The following ZDHHC4 variants were observed in gnomAD, a reference collection of about 807,000 sequenced individuals.
ZDHHC4 encodes the protein palmitoyltransferase ZDHHC4.
Under a neutral mutation model 36.7 loss-of-function variants are expected in ZDHHC4, and 42 were observed. That is an observed-to-expected ratio of 1.14 (90% CI 0.89 to 1.48). ZDHHC4 has a LOEUF of 1.48. ZDHHC4 is among the 40% of genes most tolerant of loss of function. The pLI is 0.00. For synonymous variants in ZDHHC4, 189 were observed against 166.6 expected, an observed-to-expected ratio of 1.13 and a Z score of -1.03; for missense variants, 457 against 421.5, an observed-to-expected ratio of 1.08 and a Z score of -0.74.
Position 6,588,638 on chromosome 7 carries a change from C to T in ZDHHC4, c.763C>T (p.Arg255Trp), listed in dbSNP as rs773748593. The change falls in exon 8 of 8, where the codon CGG becomes TGG. Residue 255 changes from arginine to tryptophan, a missense_variant. Arg to Trp is a moderately radical substitution (Grantham distance 101, BLOSUM62 -3). Transcript: ENST00000335965. Reference protein sequence around the residue: ...LIQYLFLTFPRIVFMLGFVVV... With the variant: ...LIQYLFLTFPWIVFMLGFVVV... The stretch of plus-strand genomic sequence containing the variant: ...CTAGTACCTGTTCCTGACTTTTCCA[C>T]GGATTGTCTTCATGCTGGGCTTTGT... 3.2e-5 allele frequency: 51 copies of T among 1,614,036 alleles called. No individual in the cohort carries two copies. Among genetic ancestry groups the T allele is most frequent in the Middle Eastern group, 3.3e-4 (2 of 6,084 alleles).
At chr7:6,587,916 A>T (rs1781349431) in intron 7 of ZDHHC4, among the ~76,000 whole-genome samples, 1 of 152,184 alleles carries the variant, frequency 6.6e-6, no homozygotes, top group Admixed American at 6.5e-5. Context: ...CCTAGGCTGG[A>T]GTGCAGTTGC....
chr7:6,582,811 G>A (rs1218002462), intron 5 of ZDHHC4, among the ~76,000 whole-genome samples: 1 of 152,062 alleles, frequency 6.6e-6, no homozygotes, highest in Non-Finnish European at 1.5e-5. Context: ...CCACCGCACT[G>A]GCAGAATTGT....
intron 7 of ZDHHC4, among the ~76,000 whole-genome samples, chr7:6,585,862 C>T (rs1431095039): frequency 6.6e-6 from 1 of 151,634 alleles, no homozygotes; most frequent in Non-Finnish European, 1.5e-5. Flanking sequence ...ATAAAATTCA[C>T]ATATTGGGCC....
intron 3 of ZDHHC4, chr7:6,580,921 C>T (rs1205848638): frequency 6.0e-6 from 3 of 495,888 alleles, no homozygotes; most frequent in African/African-American, 1.9e-5. Context: ...GTCTCAACAA[C>T]AACAAAAAAG....
rs201085722 is a variant in ZDHHC4 at position 6,585,018 on chromosome 7, G to A, written c.499G>A (p.Val167Met). The A allele has an allele frequency of 7.4e-5, 120 of 1,614,120 alleles. No homozygotes were observed. The Admixed American group carries it at 2.0e-3, about 27-fold the overall frequency. ...CGTGCCCCCTTGTTTCTGTGCAGGT[G>A]TGTGTAACTGGTGTGTGCACCGTTT... ...RKPARSKHCS[V>M]CNWCVHRFDH... The change falls in exon 7 of 8, where the codon GTG becomes ATG. Residue 167 changes from valine to methionine, a missense_variant and splice_region_variant. Physicochemically the swap from Val to Met is conservative, Grantham distance 21. Coordinates refer to ENST00000335965, the MANE Select transcript of ZDHHC4 (RefSeq NM_001134389.2).
intron 4 of ZDHHC4, among the ~76,000 whole-genome samples, 183 bp from the exon 5 acceptor site, chr7:6,581,890 C>T (rs143604084): frequency 1.2e-4 from 19 of 152,218 alleles, no homozygotes; most frequent in South Asian, 2.1e-4. Flanking sequence ...TTTTAAAAAG[C>T]GATATTTACA....
At chr7:6,583,674 A>G in intron 6 of ZDHHC4, 1 of 424,282 alleles carries the variant, frequency 2.4e-6, no homozygotes. Flanking sequence ...ACGTGGCAGG[A>G]CATGCTCCCC....
intron 3 of ZDHHC4, 104 bp from the exon 4 acceptor site, chr7:6,581,503 C>CT: frequency 1.2e-6 from 1 of 845,216 alleles, no homozygotes; most frequent in Non-Finnish European, 2.0e-6. Flanking sequence ...GGAAACAAAA[C>CT]TTACTATCAC....
At position 6,588,724 on chromosome 7, in the gene ZDHHC4, C is replaced by G. The variant is rs1489806484; in HGVS notation, c.849C>G (p.Thr283=). The change falls in exon 8 of 8, where the codon ACC becomes ACG. Residue 283 remains threonine, a synonymous_variant. Transcript: ENST00000335965. Reference sequence around the variant, plus strand: ...TGTTTGTCCTGTATCTGGCGGCCACCAACCAGACTACTAACGAGTGGTACA... The same window carrying G: ...TGTTTGTCCTGTATCTGGCGGCCACGAACCAGACTACTAACGAGTGGTACA... The part of the protein sequence containing the change: ...YLLFVLYLAA[T]NQTTNEWYRG... The G allele has an allele frequency of 6.2e-7, 1 of 1,614,228 alleles. No homozygotes were observed. The highest frequency in any genetic ancestry group is 1.1e-5 in the South Asian group (1 of 91,090).
chr7:6,585,024 A>T lies in ZDHHC4; in HGVS notation c.505A>T (p.Asn169Tyr). 6.2e-7 allele frequency: 1 copy of T among 1,614,106 alleles called. No homozygotes were observed. Among genetic ancestry groups the T allele is most frequent in the East Asian group, 2.2e-5 (1 of 44,876 alleles). Residue 169 changes from asparagine to tyrosine, a missense_variant, in exon 7 of 8, where the codon AAC (asparagine) becomes TAC (tyrosine). Physicochemically the swap from Asn to Tyr is moderately radical, Grantham distance 143. Transcript: ENST00000335965. Reference sequence around the variant, plus strand: ...CCCTTGTTTCTGTGCAGGTGTGTGTAACTGGTGTGTGCACCGTTTCGACCA... The same window carrying T: ...CCCTTGTTTCTGTGCAGGTGTGTGTTACTGGTGTGTGCACCGTTTCGACCA... ...PARSKHCSVCNWCVHRFDHHC... is the reference protein window; with the variant it reads ...PARSKHCSVCYWCVHRFDHHC...
In ZDHHC4 at chr7:6,581,676, AC is replaced by A. The variant is rs759163537; in HGVS notation, c.188del (p.Thr63ArgfsTer46). 1 of 1,603,730 alleles carries A rather than the reference AC, an allele frequency of 6.2e-7. No homozygotes were observed. Among genetic ancestry groups the A allele is most frequent in the South Asian group, 1.1e-5 (1 of 90,562 alleles). On this transcript the variant is annotated frameshift_variant, in exon 4 of 8. Coordinates refer to ENST00000335965, the MANE Select transcript of ZDHHC4 (RefSeq NM_001134389.2). LOFTEE classifies it high-confidence loss of function. ...TGGATTGCTTCATTACCTTTTCCATACGAGGTATTTCTCTTTCAGAGTTTAA... is the reference window on the plus strand; with the variant it reads ...TGGATTGCTTCATTACCTTTTCCATAGAGGTATTTCTCTTTCAGAGTTTAA... ...VHGLLHYLFHTRNHTFIVLHL... is the reference protein window; with the variant it reads ...VHGLLHYLFHXRNHTFIVLHL...
chr7:6,581,339 C>T (rs901301738), intron 3 of ZDHHC4, among the ~76,000 whole-genome samples: 2 of 152,188 alleles, frequency 1.3e-5, no homozygotes, highest in East Asian at 1.9e-4. Flanking sequence ...TGACATTCCC[C>T]GACCCATCCC....
At chr7:6,583,618 G>A (rs1331195142) in intron 6 of ZDHHC4, 187 bp downstream of exon 6, 7 of 715,340 alleles carry the variant, frequency 9.8e-6, no homozygotes, top group African/African-American at 1.8e-5. Context: ...GTGTTCCTGT[G>A]TAGTAGACAG....
chr7:6,582,855 A>G (rs548749017), intron 5 of ZDHHC4, among the ~76,000 whole-genome samples: 1 of 152,234 alleles, frequency 6.6e-6, no homozygotes, highest in East Asian at 1.9e-4. Context: ...TTTGTGTGTT[A>G]TATCTCAATA....
At chr7:6,582,306 A>G in intron 5 of ZDHHC4, 55 bp downstream of exon 5, 1 of 1,493,500 alleles carries the variant, frequency 6.7e-7, no homozygotes, top group Non-Finnish European at 9.1e-7. Context: ...TCTTACTAAT[A>G]GTGCTGCAAA....
chr7:6,580,976 T>A (rs1413477381), intron 3 of ZDHHC4: 1 of 378,890 alleles, frequency 2.6e-6, no homozygotes, highest in East Asian at 5.5e-5. Context: ...TGATGGCAGT[T>A]GTGGGATATT....
At chr7:6,584,814 A>C in intron 6 of ZDHHC4, 1 of 654,392 alleles carries the variant, frequency 1.5e-6, no homozygotes, top group Non-Finnish European at 2.5e-6. Context: ...TTGTAGTCAG[A>C]TTGCAAGTGC....
chr7:6,588,479 G>A (rs1422129548), intron 7 of ZDHHC4, 138 bp from the exon 8 acceptor site: 3 of 868,360 alleles, frequency 3.5e-6, no homozygotes, highest in Non-Finnish European at 3.7e-6. Context: ...TTTATGTTCA[G>A]TTTGTCACAT....
At chr7:6,587,352 C>G (rs1283893923) in intron 7 of ZDHHC4, among the ~76,000 whole-genome samples, 1 of 152,024 alleles carries the variant, frequency 6.6e-6, no homozygotes, top group Non-Finnish European at 1.5e-5. Flanking sequence ...TTCAGACATT[C>G]TTTCTCATCA....
Sources: gnomAD v4.1 joint callset for allele counts (sites outside exome capture counted in the v4.1 genomes callset) on GRCh38, gnomAD v4.1.1 for gene constraint, MANE v1.5 for transcripts, NCBI Gene and HGNC (gene_info 2026-07-23, HGNC 2026-07-21) for gene names.